The following CSTPP1 variants were observed in gnomAD, a reference collection of about 807,000 sequenced individuals.
CSTPP1 encodes the protein centriolar satellite-associated tubulin polyglutamylase complex regulator 1.
At chr11:47,009,763 G>A in the CSTPP1 span, among the ~76,000 whole-genome samples, 4 of 151,822 alleles carry the variant, frequency 2.6e-5, no homozygotes, top group South Asian at 8.3e-4. Flanking sequence ...ACCCAAGATC[G>A]CACTACTGCA....
the CSTPP1 span, among the ~76,000 whole-genome samples, chr11:47,010,949 G>T: frequency 6.6e-6 from 1 of 152,080 alleles, no homozygotes; most frequent in Non-Finnish European, 1.5e-5. Context: ...TTCTTGGAAG[G>T]ACATCTAATA....
the CSTPP1 span, chr11:47,159,584 G>A: frequency 4.4e-6 from 2 of 455,912 alleles, no homozygotes; most frequent in Admixed American, 2.4e-5. Flanking sequence ...ATCTGCCCTG[G>A]TGTTCTTTCA....
the CSTPP1 span, among the ~76,000 whole-genome samples, chr11:47,149,912 C>CA: frequency 6.6e-6 from 1 of 151,930 alleles, no homozygotes; most frequent in African/African-American, 2.4e-5. Flanking sequence ...ATACACATCT[C>CA]ATTCCTTTAC....
chr11:47,023,885 TGTGA>T, the CSTPP1 span, among the ~76,000 whole-genome samples: 3 of 152,194 alleles, frequency 2.0e-5, no homozygotes, highest in South Asian at 2.1e-4. Context: ...TTTTGACTGT[TGTGA>T]GTAATATTGC....
the CSTPP1 span, among the ~76,000 whole-genome samples, chr11:46,951,295 CTT>C: frequency 3.3e-3 from 424 of 127,604 alleles, 2 homozygotes; most frequent in African/African-American, 0.012. Flanking sequence ...TCCTTAGACT[CTT>C]TTTTTTTTTT....
At chr11:47,074,414 T>C in the CSTPP1 span, among the ~76,000 whole-genome samples, 2 of 149,844 alleles carry the variant, frequency 1.3e-5, no homozygotes, top group Non-Finnish European at 3.0e-5. Context: ...GTGGGAAGAT[T>C]CCTTGAGCTC....
At chr11:47,012,998 T>C in the CSTPP1 span, among the ~76,000 whole-genome samples, 4 of 86,914 alleles carry the variant, frequency 4.6e-5, no homozygotes, top group African/African-American at 7.1e-5. Context: ...AGAATGGTTA[T>C]ATATATATTT....
the CSTPP1 span, among the ~76,000 whole-genome samples, chr11:46,981,110 C>A: frequency 6.6e-6 from 1 of 151,874 alleles, no homozygotes; most frequent in African/African-American, 2.4e-5. Flanking sequence ...GAAACACGTA[C>A]AAGAATGTTC....
the CSTPP1 span, among the ~76,000 whole-genome samples, chr11:47,059,273 G>T: frequency 6.6e-6 from 1 of 152,116 alleles, no homozygotes; most frequent in Non-Finnish European, 1.5e-5. Flanking sequence ...GTATACCTAT[G>T]TAACAAGCCT....
the CSTPP1 span, among the ~76,000 whole-genome samples, chr11:46,950,852 C>A: frequency 6.6e-6 from 1 of 152,050 alleles, no homozygotes; most frequent in African/African-American, 2.4e-5. Flanking sequence ...TGGTCTTGAA[C>A]TCCTGACCTC....
chr11:46,936,762 C>T, the CSTPP1 span: 5 of 1,606,152 alleles, frequency 3.1e-6, no homozygotes, highest in South Asian at 1.1e-5. Flanking sequence ...ACCTGGGTTC[C>T]GGAAGCCGGA....
the CSTPP1 span, among the ~76,000 whole-genome samples, chr11:47,072,995 G>A: frequency 0.076 from 11,635 of 152,136 alleles, 475 homozygotes; most frequent in Non-Finnish European, 0.089. Flanking sequence ...ATGTTTACAT[G>A]CATACAAAAA....
chr11:47,016,411 C>CA, the CSTPP1 span, among the ~76,000 whole-genome samples: 803 of 110,964 alleles, frequency 7.2e-3, 13 homozygotes, highest in African/African-American at 0.017. Context: ...AAACAAAAAA[C>CA]AAAAAAAAAA....
At chr11:47,010,114 ATTAAT>A in the CSTPP1 span, among the ~76,000 whole-genome samples, 369 of 152,340 alleles carry the variant, frequency 2.4e-3, 1 homozygote, top group African/African-American at 8.1e-3. Flanking sequence ...GAATAGTGAC[ATTAAT>A]TTAGTTTTAA....
At chr11:46,952,013 A>C in the CSTPP1 span, among the ~76,000 whole-genome samples, 1 of 152,092 alleles carries the variant, frequency 6.6e-6, no homozygotes, top group Non-Finnish European at 1.5e-5. Context: ...GGTGCTCCTA[A>C]TCTCTCAGGG....
At chr11:46,993,757 A>G in the CSTPP1 span, among the ~76,000 whole-genome samples, 1 of 152,038 alleles carries the variant, frequency 6.6e-6, no homozygotes, top group Non-Finnish European at 1.5e-5. Context: ...CTTGGAAATG[A>G]GGGCTCTTTT....
At chr11:47,130,470 A>G in the CSTPP1 span, among the ~76,000 whole-genome samples, 1 of 152,140 alleles carries the variant, frequency 6.6e-6, no homozygotes, top group Non-Finnish European at 1.5e-5. Context: ...TCCATTTATA[A>G]TATAAAACAA....
the CSTPP1 span, among the ~76,000 whole-genome samples, chr11:47,067,208 T>G: frequency 6.6e-6 from 1 of 152,222 alleles, no homozygotes; most frequent in Non-Finnish European, 1.5e-5. Flanking sequence ...AGTAAATTTG[T>G]GTTTCAAAGC....
the CSTPP1 span, among the ~76,000 whole-genome samples, chr11:47,017,032 TA>T: frequency 1.3e-5 from 2 of 149,834 alleles, no homozygotes; most frequent in Non-Finnish European, 3.0e-5. Context: ...TTTGTATTTT[TA>T]GTAGAGATGA....
Sources: gnomAD v4.1 joint callset for allele counts (sites outside exome capture counted in the v4.1 genomes callset) on GRCh38, gnomAD v4.1.1 for gene constraint, MANE v1.5 for transcripts, NCBI Gene and HGNC (gene_info 2026-07-23, HGNC 2026-07-21) for gene names.